THRB: variants seen among roughly 807,000 people sequenced by gnomAD.
THRB encodes the protein nuclear receptor subfamily 1 group A member 2.
Under a neutral mutation model 47.8 loss-of-function variants are expected in THRB, and 12 were observed. The ratio of observed to expected loss-of-function variants is 0.25; its 90% confidence interval spans 0.16 to 0.41. The LOEUF is 0.41. Ranked by LOEUF, THRB falls within the 10% of genes least tolerant of loss-of-function variation. THRB has a pLI of 1.00. For synonymous variants in THRB, 218 were observed against 212.2 expected (o/e 1.03, Z -0.24); for missense variants, 348 against 589.2 (o/e 0.59, Z 4.24).
chr3:24,472,410 T>C (rs551818886), intron 1 of THRB, among the ~76,000 whole-genome samples: 1 of 152,340 alleles, frequency 6.6e-6, no homozygotes, highest in South Asian at 2.1e-4. Flanking sequence ...CAGTAACTTC[T>C]GCAAGAATCC....
intron 4 of THRB, among the ~76,000 whole-genome samples, chr3:24,193,188 C>A (rs1338306681): frequency 6.6e-6 from 1 of 152,176 alleles, no homozygotes; most frequent in Non-Finnish European, 1.5e-5. Context: ...ATGCCCATAT[C>A]CTTTTGTTCC....
rs869304743 is a variant in THRB, at chr3:24,218,342, C to CTTTT, written c.22+10592_22+10595dup. Among the ~76,000 whole-genome samples, 8 of 117,234 alleles carry CTTTT rather than the reference C, an allele frequency of 6.8e-5. No individual in the cohort carries two copies. In the South Asian group the frequency reaches 1.1e-3, roughly 17 times the overall value. The allele number at this position is 117,234 out of a possible 152,430, so 76.9% of individuals were successfully genotyped here. ...ATTTTTTGTCTCTCTCTCTCTCTCT[C>CTTTT]TTTTTTTTTTTTTTTTTTTTAAAAA... is the stretch of plus-strand genomic sequence containing the variant. On this transcript the variant is annotated intron_variant, in intron 4 of 10. Coordinates refer to ENST00000646209, the MANE Select transcript of THRB (RefSeq NM_001354712.2).
chr3:24,288,855 T>C (rs2055617517), intron 3 of THRB, among the ~76,000 whole-genome samples: 3 of 152,158 alleles, frequency 2.0e-5, no homozygotes, highest in African/African-American at 7.2e-5. Flanking sequence ...TTGTGAAACT[T>C]TTGTTTGATT....
At chr3:24,481,137 T>C (rs1696290603) in intron 1 of THRB, among the ~76,000 whole-genome samples, 1 of 151,450 alleles carries the variant, frequency 6.6e-6, no homozygotes, top group African/African-American at 2.4e-5. Flanking sequence ...GCAGAGAACA[T>C]CCACTTTGGG....
intron 3 of THRB, among the ~76,000 whole-genome samples, chr3:24,287,108 C>G (rs1263191697): frequency 6.6e-6 from 1 of 152,176 alleles, no homozygotes; most frequent in Admixed American, 6.5e-5. Context: ...ATATCTACCA[C>G]CACTTGCAGA....
At chr3:24,410,412 G>A (rs2068191499) in intron 1 of THRB, among the ~76,000 whole-genome samples, 1 of 151,696 alleles carries the variant, frequency 6.6e-6, no homozygotes, top group South Asian at 2.1e-4. Context: ...ACAATCTTTG[G>A]AATAAAAAAT....
intron 3 of THRB, among the ~76,000 whole-genome samples, chr3:24,233,615 G>GAAAGAA (rs1553658450): frequency 2.0e-5 from 2 of 101,910 alleles, no homozygotes; most frequent in Non-Finnish European, 4.6e-5. Context: ...AAGAAAGAAA[G>GAAAGAA]AGAAAGAGCC....
At chr3:24,465,667 G>A (rs141148904) in intron 1 of THRB, among the ~76,000 whole-genome samples, 1 of 152,162 alleles carries the variant, frequency 6.6e-6, no homozygotes. Flanking sequence ...GCCTCCCAAA[G>A]TGCTGGTATT....
At position 24,119,100 on chromosome 3, in the gene THRB, T is replaced by A. The variant is rs1054838458; in HGVS notation, c.*3784A>T. The A allele has an allele frequency of 4.0e-5, 6 of 150,786 alleles. No homozygotes were observed. The highest frequency in any genetic ancestry group is 1.2e-4 in the African/African-American group (5 of 40,932). The allele number at this position is 150,786 out of a possible 1,614,324, so 9.3% of individuals were successfully genotyped here. A position where few individuals can be genotyped will look rare whatever the true frequency, so the allele number is the denominator to read the frequency against. On this transcript the variant is annotated 3_prime_UTR_variant, in exon 11 of 11. Coordinates refer to ENST00000646209, the MANE Select transcript of THRB (RefSeq NM_001354712.2). ...CAAATCCTTACCTGGATAATAAATA[T>A]CTACATCACAGTACAATAAAATTTC...
chr3:24,478,328 G>C (rs1245958912), intron 1 of THRB, among the ~76,000 whole-genome samples: 1 of 152,126 alleles, frequency 6.6e-6, no homozygotes. Flanking sequence ...GTTCACTACT[G>C]TACCCAAGCA....
intron 1 of THRB, among the ~76,000 whole-genome samples, chr3:24,398,364 A>T (rs1050591622): frequency 1.8e-4 from 28 of 152,182 alleles, no homozygotes; most frequent in Non-Finnish European, 1.8e-4. Flanking sequence ...GAATCTACAA[A>T]GAACTCAAAC....
At chr3:24,340,315 C>CCTCCTCCTT (rs2062544385) in intron 1 of THRB, among the ~76,000 whole-genome samples, 1 of 151,682 alleles carries the variant, frequency 6.6e-6, no homozygotes, top group Non-Finnish European at 1.5e-5. Flanking sequence ...AAAATTAATT[C>CCTCCTCCTT]CTCCTCCTTC....
intron 9 of THRB, among the ~76,000 whole-genome samples, chr3:24,128,237 G>T (rs2033239121): frequency 6.6e-6 from 1 of 152,152 alleles, no homozygotes; most frequent in East Asian, 1.9e-4. Flanking sequence ...TGCTCTTGTA[G>T]CCTCTTGGCA....
chr3:24,425,484 T>C (rs1009670779), intron 1 of THRB, among the ~76,000 whole-genome samples: 1 of 152,000 alleles, frequency 6.6e-6, no homozygotes, highest in Non-Finnish European at 1.5e-5. Flanking sequence ...ATATTAAGGA[T>C]TACTTTTACC....
chr3:24,375,142 G>T (rs1249194365), intron 1 of THRB, among the ~76,000 whole-genome samples: 1 of 151,540 alleles, frequency 6.6e-6, no homozygotes, highest in Non-Finnish European at 1.5e-5. Flanking sequence ...AAAAGAGAGA[G>T]AGAAATGGAA....
chr3:24,424,198 C>G (rs2069538685), intron 1 of THRB, among the ~76,000 whole-genome samples: 1 of 151,838 alleles, frequency 6.6e-6, no homozygotes, highest in Non-Finnish European at 1.5e-5. Context: ...TCTACCCACC[C>G]TCCGCCCACC....
At chr3:24,275,324 A>G (rs2053797736) in intron 3 of THRB, among the ~76,000 whole-genome samples, 1 of 152,234 alleles carries the variant, frequency 6.6e-6, no homozygotes, top group South Asian at 2.1e-4. Context: ...ATGCAACATT[A>G]AAATTGGCCA....
chr3:24,493,350 C>A (rs1023811781), intron 1 of THRB, among the ~76,000 whole-genome samples: 3 of 152,204 alleles, frequency 2.0e-5, no homozygotes, highest in Admixed American at 1.3e-4. Flanking sequence ...TACATTCTTA[C>A]AATTTAAATA....
intron 4 of THRB, among the ~76,000 whole-genome samples, chr3:24,195,263 A>G (rs2043823045): frequency 6.6e-6 from 1 of 152,200 alleles, no homozygotes; most frequent in African/African-American, 2.4e-5. Context: ...ACAAACATCC[A>G]GGGAATATAT....
Sources: gnomAD v4.1 joint callset for allele counts (sites outside exome capture counted in the v4.1 genomes callset) on GRCh38, gnomAD v4.1.1 for gene constraint, MANE v1.5 for transcripts, NCBI Gene and HGNC (gene_info 2026-07-23, HGNC 2026-07-21) for gene names.